DUSP14: variants seen among roughly 807,000 people sequenced by gnomAD.
DUSP14 encodes the protein dual specificity protein phosphatase 14.
In DUSP14, 5 loss-of-function variants were observed where a neutral mutation model predicts 13.2. The ratio of observed to expected loss-of-function variants is 0.38; its 90% CI spans 0.20 to 0.80. The LOEUF (loss-of-function observed/expected upper bound fraction) is 0.80, where lower values mean the gene tolerates loss of function less well. Ranked by LOEUF, DUSP14 falls within the 30% of genes least tolerant of loss-of-function variation. The pLI, the probability that DUSP14 is intolerant of heterozygous loss-of-function variation, is 0.44. For missense variants in DUSP14, 185 were observed against 264.0 expected (o/e 0.70, Z 2.07); for synonymous variants, 91 against 103.4 (o/e 0.88, Z 0.73).
chr17:37,489,662 G>A (rs1451025065), upstream of DUSP14, among the ~76,000 whole-genome samples: 2 of 152,050 alleles, frequency 1.3e-5, no homozygotes, highest in Admixed American at 6.5e-5. Flanking sequence ...CTGCACGGAG[G>A]AGCGCTCTAG....
At chr17:37,499,598 G>A (rs553555867) in intron 1 of DUSP14, among the ~76,000 whole-genome samples, 18 of 152,104 alleles carry the variant, frequency 1.2e-4, no homozygotes, top group African/African-American at 3.6e-4. Flanking sequence ...GCGCGATCTC[G>A]GCTCACTGCA....
rs149670794 is a variant in DUSP14 at position 37,492,267 on chromosome 17, TTGTC to T, written c.-181+2311_-181+2314del. ...AAAAAAATCTAGGACTACTAGCCTA[TTGTC>T]TTGTCTTTGCTTATAAAGAAACGTC... On this transcript the variant is annotated intron_variant, in intron 1 of 2. Transcript: ENST00000617516. Among the ~76,000 whole-genome samples the T allele has an allele frequency of 1.7e-3, 253 of 152,348 alleles. 1 individual carries two copies. The highest frequency in any genetic ancestry group is 5.9e-3 in the African/African-American group (244 of 41,580).
At chr17:37,495,370 C>T (rs1440884943) in intron 1 of DUSP14, among the ~76,000 whole-genome samples, 1 of 152,190 alleles carries the variant, frequency 6.6e-6, no homozygotes, top group East Asian at 1.9e-4. Context: ...CCTCAGTGGA[C>T]GAGAAGGTTC....
rs903526912 is a variant in DUSP14, at chr17:37,496,407, G to A, written c.-181+6449G>A. 2.6e-5 allele frequency among the ~76,000 whole-genome samples: 4 copies of A among 151,506 alleles called. No individual in the cohort carries two copies. The East Asian group carries it at 7.7e-4, about 29-fold the overall frequency. ...ATCACTTGAGGTCAAAAGTTCAATC[G>A]AGACTAGCCTGACCAACATGGTGAA... On this transcript the variant is annotated intron_variant, in intron 1 of 2. Transcript: ENST00000617516.
intron 1 of DUSP14, among the ~76,000 whole-genome samples, chr17:37,507,130 A>T (rs2054143379): frequency 6.6e-6 from 1 of 152,140 alleles, no homozygotes; most frequent in Non-Finnish European, 1.5e-5. Flanking sequence ...TGTATTTTCC[A>T]ATCTGTCAAG....
At chr17:37,509,135 A>ATATATATATATATATATATG (rs1568204456) in intron 1 of DUSP14, among the ~76,000 whole-genome samples, 3 of 38,956 alleles carry the variant, frequency 7.7e-5, no homozygotes, top group Admixed American at 7.3e-4. Context: ...ATATACACAC[A>ATATATATATATATATATATG]CACACACACA....
At chr17:37,501,876 A>G (rs2054107621) in intron 1 of DUSP14, among the ~76,000 whole-genome samples, 1 of 152,116 alleles carries the variant, frequency 6.6e-6, no homozygotes, top group Non-Finnish European at 1.5e-5. Context: ...AATCTATAAA[A>G]CAACTCCCCA....
intron 1 of DUSP14, among the ~76,000 whole-genome samples, chr17:37,502,498 G>C (rs1339890816): frequency 6.6e-6 from 1 of 151,986 alleles, no homozygotes; most frequent in African/African-American, 2.4e-5. Flanking sequence ...ATGACTATTT[G>C]TATTGTACTC....
At position 37,509,115 on chromosome 17, in the gene DUSP14, A is replaced by ATATG. The variant is rs1283947591; in HGVS notation, c.-180-1559_-180-1558insGTAT. On this transcript the variant is annotated intron_variant, in intron 1 of 2. Coordinates refer to ENST00000617516, the MANE Select transcript of DUSP14 (RefSeq NM_007026.4). ...AAAAAAAAAAAACCCATATATATAT[A>ATATG]TATATATATATATACACACACACAC... Among the ~76,000 whole-genome samples, 60 of 36,848 alleles carry ATATG rather than the reference A, an allele frequency of 1.6e-3. 4 individuals are homozygous for ATATG. Among genetic ancestry groups the ATATG allele is most frequent in the Middle Eastern group, 0.012 (1 of 86 alleles). The allele number at this position is 36,848 out of a possible 152,430, so 24.2% of individuals were successfully genotyped here. A position where few individuals can be genotyped will look rare whatever the true frequency, so the allele number is the denominator to read the frequency against.
At chr17:37,507,726 A>G (rs916862239) in intron 1 of DUSP14, among the ~76,000 whole-genome samples, 5 of 152,164 alleles carry the variant, frequency 3.3e-5, no homozygotes, top group African/African-American at 4.8e-5. Flanking sequence ...GGCGTAAGCC[A>G]CCGTGTCTAT....
intron 1 of DUSP14, among the ~76,000 whole-genome samples, chr17:37,509,322 G>GTA (rs2054167632): frequency 8.9e-6 from 1 of 111,956 alleles, no homozygotes; most frequent in African/African-American, 3.5e-5. Context: ...GTGTGTGTGT[G>GTA]TGTTTAGTTT....
intron 1 of DUSP14, among the ~76,000 whole-genome samples, chr17:37,500,858 T>C (rs853214): frequency 0.71 from 108,204 of 152,094 alleles, 39,016 homozygotes; most frequent in East Asian, 0.97. Flanking sequence ...GATTACTCCC[T>C]AGACTGTAGA....
Position 37,490,410 on chromosome 17 carries a change from C to G in DUSP14, c.-181+452C>G, listed in dbSNP as rs556589297. Among the ~76,000 whole-genome samples the G allele has an allele frequency of 2.0e-5, 3 of 152,348 alleles. No individual in the cohort carries two copies. The South Asian group carries it at 6.2e-4, about 32-fold the overall frequency. On this transcript the variant is annotated intron_variant, in intron 1 of 2. Transcript: ENST00000617516. ...TGGTGCATGGATAGAAGCAACTTGA[C>G]TTTCAGCGATGCCAAGTGTCCAACT...
In DUSP14 at chr17:37,512,957, TGAC is replaced by T. The variant is rs991172482; in HGVS notation, c.*89_*91del. On this transcript the variant is annotated 3_prime_UTR_variant, in exon 3 of 3. Transcript: ENST00000617516. This position sits in a 1 kb window ranked among gnomAD's most constrained non-coding sequence, Gnocchi z 4.8. ...CCTCTCCACTCTCTTCTCAAATGGC[TGAC>T]TTCTGGTTCTCCCTCAAGTGTTTTT... is the stretch of plus-strand genomic sequence containing the variant. 42 of 1,134,650 alleles carry T rather than the reference TGAC, an allele frequency of 3.7e-5. No homozygotes were observed. Among genetic ancestry groups the T allele is most frequent in the Non-Finnish European group, 5.0e-5 (39 of 787,076 alleles). The allele number at this position is 1,134,650 out of a possible 1,614,324, so 70.3% of individuals were successfully genotyped here. A position where few individuals can be genotyped will look rare whatever the true frequency, so the allele number is the denominator to read the frequency against.
intron 1 of DUSP14, among the ~76,000 whole-genome samples, chr17:37,496,192 C>T (rs542182634): frequency 1.3e-5 from 2 of 152,274 alleles, no homozygotes; most frequent in East Asian, 1.9e-4. Flanking sequence ...TATCCTGGCT[C>T]CTATATAAAG....
rs1434571466 is a variant in DUSP14, at chr17:37,513,466, C to CGTT, written c.*597_*598insGTT. 6.0e-6 allele frequency: 1 copy of CGTT among 167,080 alleles called. No individual in the cohort carries two copies. The highest frequency in any genetic ancestry group is 2.4e-5 in the African/African-American group (1 of 41,444). The allele number at this position is 167,080 out of a possible 1,614,324, so 10.3% of individuals were successfully genotyped here. On this transcript the variant is annotated 3_prime_UTR_variant, in exon 3 of 3. Transcript: ENST00000617516. ...ATCCATGTGCCCAGGATTATATTAG[C>CGTT]ATTATTTTTAATAAATCTATATGCT...
intron 1 of DUSP14, chr17:37,491,362 G>A (rs566108445): frequency 2.0e-5 from 3 of 152,400 alleles, no homozygotes; most frequent in African/African-American, 7.2e-5. Flanking sequence ...CCGGGGCAGA[G>A]ACCCTGACCT....
rs994177283 is a variant in DUSP14, at chr17:37,512,472, A to G, written c.200A>G (p.Asn67Ser). The G allele has an allele frequency of 6.2e-6, 10 of 1,613,996 alleles. No homozygotes were observed. Among genetic ancestry groups the G allele is most frequent in the Admixed American group, 3.3e-5 (2 of 59,986 alleles). Residue 67 changes from asparagine to serine, a missense_variant, in exon 3 of 3, where the codon AAC (asparagine) becomes AGC (serine). By Grantham distance (46) the Asn-to-Ser change is conservative (BLOSUM62 1). Transcript: ENST00000617516. The surrounding 1 kb of genome is among the most constrained non-coding windows in gnomAD (Gnocchi z 4.8). ...VNATIEIPNF[N>S]WPQFEYVKVP... is the part of the protein sequence containing the mutation. ...GCTACCATTGAGATCCCTAATTTCAACTGGCCCCAATTTGAGTATGTTAAA... is the reference window on the plus strand; with the variant it reads ...GCTACCATTGAGATCCCTAATTTCAGCTGGCCCCAATTTGAGTATGTTAAA...
intron 1 of DUSP14, among the ~76,000 whole-genome samples, chr17:37,498,678 T>TTG (rs1311928534): frequency 8.1e-5 from 12 of 149,018 alleles, no homozygotes; most frequent in African/African-American, 3.0e-4. Flanking sequence ...AGTAATCAGT[T>TTG]TTTTTTTTTT....
Sources: gnomAD v4.1 joint callset for allele counts (sites outside exome capture counted in the v4.1 genomes callset) on GRCh38, gnomAD v4.1.1 for gene constraint, Gnocchi (gnomAD v3.1) non-coding constraint, MANE v1.5 for transcripts, NCBI Gene and HGNC (gene_info 2026-07-23, HGNC 2026-07-21) for gene names.